SNTG2: variants seen among roughly 807,000 people sequenced by gnomAD.
The protein encoded by SNTG2 is gamma-2-syntrophin.
In SNTG2, 74 loss-of-function variants were observed where a neutral mutation model predicts 70.9. The observed-to-expected ratio is 1.04, with a 90% CI of 0.86 to 1.27. The LOEUF is 1.27. SNTG2 is among the 50% of genes most tolerant of loss of function. The probability of loss-of-function intolerance (pLI) is 0.00; values close to 1 mark genes in which losing one functional copy is unlikely to be tolerated. For missense variants in SNTG2, 717 were observed against 690.7 expected (o/e 1.04, Z -0.43); for synonymous variants, 278 against 273.8 (o/e 1.02, Z -0.15).
intron 1 of SNTG2, among the ~76,000 whole-genome samples, chr2:1,029,741 T>G (rs979897900): frequency 9.2e-5 from 14 of 152,208 alleles, no homozygotes; most frequent in African/African-American, 3.4e-4. Context: ...CATCCTCTGC[T>G]AAGTCAGCCC....
intron 16 of SNTG2, among the ~76,000 whole-genome samples, chr2:1,321,656 G>A (rs1572979481): frequency 6.6e-6 from 1 of 152,298 alleles, no homozygotes; most frequent in East Asian, 1.9e-4. Flanking sequence ...GCCAGTCCCA[G>A]CAAAATGTCA....
intron 16 of SNTG2, among the ~76,000 whole-genome samples, chr2:1,322,932 G>A (rs1265903364): frequency 3.3e-5 from 5 of 152,202 alleles, no homozygotes; most frequent in Admixed American, 1.3e-4. Flanking sequence ...AAGTGCCGCC[G>A]CTCAAGGCCA....
At chr2:1,208,369 C>T (rs1296319030) in intron 8 of SNTG2, among the ~76,000 whole-genome samples, 2 of 150,998 alleles carry the variant, frequency 1.3e-5, no homozygotes, top group African/African-American at 4.9e-5. Flanking sequence ...GTCGCTGGGG[C>T]GGCAGCACCT....
intron 12 of SNTG2, among the ~76,000 whole-genome samples, chr2:1,250,038 G>A (rs10190050): frequency 0.21 from 31,400 of 152,116 alleles, 4,386 homozygotes; most frequent in African/African-American, 0.39. Context: ...CCAGCCGTGC[G>A]TGCCGGGAAG....
At chr2:1,156,364 T>G (rs1049320413) in intron 6 of SNTG2, among the ~76,000 whole-genome samples, 1 of 151,726 alleles carries the variant, frequency 6.6e-6, no homozygotes, top group African/African-American at 2.4e-5. Context: ...AGATCAGGAG[T>G]ACACAGATGT....
chr2:1,232,385 C>T lies in SNTG2; in HGVS notation c.720-5503C>T, dbSNP rs570961708. On this transcript the variant is annotated intron_variant, in intron 9 of 16. Transcript: ENST00000308624. ...TATGATCTCGGCTCACTGCAACCTC[C>T]GCCTCCCAGGTTCAAGGGATTCTCC... Among the ~76,000 whole-genome samples, 18 of 152,092 alleles carry T rather than the reference C, an allele frequency of 1.2e-4. 1 individual carries two copies. The South Asian group carries it at 3.5e-3, about 30-fold the overall frequency.
chr2:1,278,109 A>G (rs910055980), intron 14 of SNTG2, among the ~76,000 whole-genome samples: 1 of 152,238 alleles, frequency 6.6e-6, no homozygotes, highest in African/African-American at 2.4e-5. Context: ...TTTCGGTTCC[A>G]AGCAAATCTG....
intron 7 of SNTG2, among the ~76,000 whole-genome samples, chr2:1,168,735 G>A (rs571932460): frequency 6.6e-6 from 1 of 152,270 alleles, no homozygotes; most frequent in East Asian, 1.9e-4. Flanking sequence ...AAGATTCACT[G>A]CATGCCTTGC....
At chr2:1,121,254 A>T (rs376134032) in intron 4 of SNTG2, among the ~76,000 whole-genome samples, 373 of 152,254 alleles carry the variant, frequency 2.4e-3, no homozygotes, top group African/African-American at 8.5e-3. Flanking sequence ...GATGCCGCAA[A>T]AACAGTTGTG....
intron 16 of SNTG2, among the ~76,000 whole-genome samples, chr2:1,361,098 T>A (rs1163504815): frequency 6.6e-6 from 1 of 152,246 alleles, no homozygotes; most frequent in Admixed American, 6.5e-5. Context: ...CAAGCCTCAG[T>A]GCTTTTTCTA....
At chr2:1,011,452 G>A (rs1479934146) in intron 1 of SNTG2, among the ~76,000 whole-genome samples, 1 of 152,140 alleles carries the variant, frequency 6.6e-6, no homozygotes, top group Non-Finnish European at 1.5e-5. Flanking sequence ...GTACAAATGT[G>A]GAGACAAGTT....
intron 2 of SNTG2, among the ~76,000 whole-genome samples, chr2:1,088,663 C>T (rs1440676320): frequency 2.6e-5 from 4 of 152,220 alleles, no homozygotes; most frequent in Non-Finnish European, 5.9e-5. Flanking sequence ...ATCATATAAG[C>T]TCATTAGAGT....
intron 14 of SNTG2, among the ~76,000 whole-genome samples, chr2:1,288,499 C>CACACACAGAGGCATATACATGGACATGT (rs1679858502): frequency 1.4e-5 from 1 of 72,226 alleles, no homozygotes; most frequent in Non-Finnish European, 3.8e-5. Context: ...CCCACGCATT[C>CACACACAGAGGCATATACATGGACATGT]ACACACAGAG....
At chr2:1,150,016 C>G (rs771412385) in intron 6 of SNTG2, among the ~76,000 whole-genome samples, 5 of 152,202 alleles carry the variant, frequency 3.3e-5, no homozygotes, top group Non-Finnish European at 5.9e-5. Context: ...ATTTGGCACT[C>G]CTCCGTTATT....
At chr2:1,256,650 A>G (rs752240348) in intron 12 of SNTG2, 1 of 152,124 alleles carries the variant, frequency 6.6e-6, no homozygotes, top group Non-Finnish European at 1.5e-5. Context: ...AGAAACTCAG[A>G]GGAACCTGAT....
chr2:1,167,069 G>A (rs942206944), intron 7 of SNTG2, among the ~76,000 whole-genome samples: 1 of 152,218 alleles, frequency 6.6e-6, no homozygotes, highest in African/African-American at 2.4e-5. Context: ...AGAACCCCGG[G>A]ATACAGAAAG....
chr2:952,493 T>C (rs1660007800), intron 1 of SNTG2, among the ~76,000 whole-genome samples: 1 of 152,278 alleles, frequency 6.6e-6, no homozygotes, highest in Non-Finnish European at 1.5e-5. Flanking sequence ...GCGCGTATTC[T>C]AGTAAATGCT....
At chr2:1,130,127 A>G (rs1279328539) in intron 4 of SNTG2, among the ~76,000 whole-genome samples, 1 of 152,198 alleles carries the variant, frequency 6.6e-6, no homozygotes, top group Non-Finnish European at 1.5e-5. Context: ...AATATGAGCA[A>G]TGAAAGTATT....
At chr2:1,322,692 C>T (rs562091199) in intron 16 of SNTG2, among the ~76,000 whole-genome samples, 1 of 152,046 alleles carries the variant, frequency 6.6e-6, no homozygotes, top group East Asian at 1.9e-4. Flanking sequence ...CTCAGAGGCT[C>T]CTTTCCTACT....
Sources: gnomAD v4.1 joint callset for allele counts (sites outside exome capture counted in the v4.1 genomes callset) on GRCh38, gnomAD v4.1.1 for gene constraint, MANE v1.5 for transcripts, NCBI Gene and HGNC (gene_info 2026-07-23, HGNC 2026-07-21) for gene names.